Variants in CLOCK observed in about 807,000 individuals in gnomAD.
CLOCK encodes circadian locomoter output cycles protein kaput.
Under a neutral mutation model 118.4 loss-of-function variants are expected in CLOCK, and 43 were observed. The observed-to-expected ratio is 0.36, with a 90% CI of 0.28 to 0.47. The LOEUF (loss-of-function observed/expected upper bound fraction) is 0.47. Among genes scored for constraint, CLOCK ranks in the 20% least tolerant of loss-of-function variants. The probability of loss-of-function intolerance (pLI) is 1.00; values close to 1 mark genes in which losing one functional copy is unlikely to be tolerated. For synonymous variants in CLOCK, 326 were observed against 339.2 expected, an observed-to-expected ratio of 0.96 and a Z score of 0.43; for missense variants, 846 against 999.9, an observed-to-expected ratio of 0.85 and a Z score of 2.08.
In CLOCK at chr4:55,428,588, G is replaced by A. The variant is rs1722331449; in HGVS notation, c.*6827C>T. The A allele has an allele frequency of 6.6e-6, 1 of 152,000 alleles. No individual in the cohort carries two copies. Among genetic ancestry groups the A allele is most frequent in the South Asian group, 2.1e-4 (1 of 4,822 alleles). 9.4% of individuals were successfully genotyped at this position (152,000 alleles called of 1,614,324 possible). A position where few individuals can be genotyped will look rare whatever the true frequency, so the allele number is the denominator to read the frequency against. On this transcript the variant is annotated 3_prime_UTR_variant, in exon 23 of 23. Coordinates refer to ENST00000513440, the MANE Select transcript of CLOCK (RefSeq NM_004898.4). ...GGTATTCTTATCTCAAGATCAATTAGCCGTTTTTAGCTCCACCGTTTTGGA... is the reference window on the plus strand; with the variant it reads ...GGTATTCTTATCTCAAGATCAATTAACCGTTTTTAGCTCCACCGTTTTGGA...
intron 18 of CLOCK, 111 bp downstream of exon 18, chr4:55,448,668 G>T: frequency 4.1e-5 from 24 of 581,906 alleles, no homozygotes; most frequent in Middle Eastern, 3.3e-4. Context: ...CTCCCAAGTA[G>T]CTGTGGCTAC....
At chr4:55,523,758 A>C (rs970997926) in intron 1 of CLOCK, among the ~76,000 whole-genome samples, 2 of 152,150 alleles carry the variant, frequency 1.3e-5, no homozygotes, top group African/African-American at 2.4e-5. Flanking sequence ...CTCTAATTTC[A>C]TATCAGCTTA....
chr4:55,469,700 C>A (rs372704946), intron 8 of CLOCK, among the ~76,000 whole-genome samples: 1 of 152,058 alleles, frequency 6.6e-6, no homozygotes, highest in Non-Finnish European at 1.5e-5. Flanking sequence ...TATTTTTGTA[C>A]AGCTATATGA....
At chr4:55,531,544 A>C (rs568794051) in intron 1 of CLOCK, among the ~76,000 whole-genome samples, 2 of 151,978 alleles carry the variant, frequency 1.3e-5, no homozygotes, top group South Asian at 4.2e-4. Context: ...GTCTCTACGA[A>C]AACTACATCA....
intron 1 of CLOCK, among the ~76,000 whole-genome samples, chr4:55,513,359 A>G (rs1223720702): frequency 6.6e-6 from 1 of 152,148 alleles, no homozygotes; most frequent in Admixed American, 6.5e-5. Flanking sequence ...GTTTGTGTAA[A>G]TATACTCTAT....
intron 2 of CLOCK, among the ~76,000 whole-genome samples, chr4:55,503,190 C>T (rs958288271): frequency 7.2e-5 from 11 of 152,184 alleles, no homozygotes; most frequent in East Asian, 1.9e-4. Flanking sequence ...CCAAAAGACA[C>T]GCTCAAGAAT....
intron 3 of CLOCK, among the ~76,000 whole-genome samples, chr4:55,488,186 T>C (rs991952972): frequency 6.6e-6 from 1 of 152,186 alleles, no homozygotes; most frequent in Non-Finnish European, 1.5e-5. Context: ...ATACCTTCTT[T>C]TCTTGATTCC....
At chr4:55,545,655 C>T (rs1178834630) in intron 1 of CLOCK, 1 of 152,230 alleles carries the variant, frequency 6.6e-6, no homozygotes, top group Non-Finnish European at 1.5e-5. Flanking sequence ...AGGCTTTTAT[C>T]TTGCAGAATT....
rs1199287836 is a variant in CLOCK at position 55,458,937 on chromosome 4, A to C, written c.747T>G (p.Val249=). Reference sequence around the variant, plus strand: ...CTAACCTGACAGTAGCTACAAAACAAACTCTATCTTCATAAGATGGCCTAT... The same window carrying C: ...CTAACCTGACAGTAGCTACAAAACACACTCTATCTTCATAAGATGGCCTAT... ...RTHRPSYEDR[V]CFVATVRLAT... is the part of the protein sequence containing the mutation. Residue 249 remains valine (V), a synonymous_variant, in exon 11 of 23, where the codon GTT becomes GTG. Transcript: ENST00000513440. The C allele has an allele frequency of 6.2e-7, 1 of 1,613,934 alleles. No homozygotes were observed. The highest frequency in any genetic ancestry group is 8.5e-7 in the Non-Finnish European group (1 of 1,179,904).
chr4:55,539,192 G>A (rs1336336187), intron 1 of CLOCK, among the ~76,000 whole-genome samples: 6 of 151,856 alleles, frequency 4.0e-5, no homozygotes, highest in African/African-American at 1.5e-4. Flanking sequence ...CTCAGATCAC[G>A]CCACTGCACT....
At chr4:55,522,073 T>C (rs778420930) in intron 1 of CLOCK, among the ~76,000 whole-genome samples, 13 of 152,136 alleles carry the variant, frequency 8.5e-5, no homozygotes, top group Non-Finnish European at 1.5e-4. Context: ...GGTACCCAAA[T>C]AGGGCAAAAA....
intron 1 of CLOCK, among the ~76,000 whole-genome samples, chr4:55,544,570 C>T (rs1243089614): frequency 1.3e-5 from 2 of 152,188 alleles, no homozygotes; most frequent in East Asian, 3.9e-4. Context: ...AAAAGGTATC[C>T]CAAACTTCCT....
intron 3 of CLOCK, chr4:55,486,583 A>C (rs1192808706): frequency 6.6e-6 from 1 of 151,172 alleles, no homozygotes; most frequent in African/African-American, 2.5e-5. Context: ...AAATTTTTTA[A>C]GGCTTCGTAA....
intron 1 of CLOCK, among the ~76,000 whole-genome samples, chr4:55,537,763 C>T (rs553638145): frequency 1.6e-4 from 25 of 152,156 alleles, no homozygotes; most frequent in Non-Finnish European, 2.6e-4. Flanking sequence ...TACTGTACTG[C>T]CTGAGCAGTA....
intron 2 of CLOCK, among the ~76,000 whole-genome samples, chr4:55,491,301 G>A (rs1577787090): frequency 3.5e-5 from 3 of 84,682 alleles, no homozygotes; most frequent in African/African-American, 4.5e-5. Context: ...CAAAGAACTA[G>A]AAAAAGAAGA....
intron 1 of CLOCK, among the ~76,000 whole-genome samples, chr4:55,532,868 CG>C (rs936962383): frequency 6.6e-6 from 1 of 151,066 alleles, no homozygotes; most frequent in African/African-American, 2.4e-5. Context: ...GGGGTCGGGT[CG>C]GGGGGGTAGT....
At chr4:55,539,342 G>A (rs1378769532) in intron 1 of CLOCK, among the ~76,000 whole-genome samples, 1 of 152,112 alleles carries the variant, frequency 6.6e-6, no homozygotes, top group Non-Finnish European at 1.5e-5. Context: ...GGGAGGCCAA[G>A]GTGGGGGGAT....
rs769932839 is a variant in CLOCK at position 55,448,905 on chromosome 4, C to T, written c.1450-37G>A. 2.8e-6 allele frequency: 4 copies of T among 1,411,028 alleles called. No individual in the cohort carries two copies. The South Asian group carries it at 4.6e-5, about 16-fold the overall frequency. 87.4% of individuals were successfully genotyped at this position (1,411,028 alleles called of 1,614,324 possible). A position where few individuals can be genotyped will look rare whatever the true frequency, so the allele number is the denominator to read the frequency against. ...TAAAAAATAACACTGAAGTGATTCTCATTCCCATACATGAGTACTTCCAGC... is the reference window on the plus strand; with the variant it reads ...TAAAAAATAACACTGAAGTGATTCTTATTCCCATACATGAGTACTTCCAGC... On this transcript the variant is annotated intron_variant, in intron 17 of 22. Transcript: ENST00000513440.
At chr4:55,491,376 A>G (rs1487456201) in intron 2 of CLOCK, among the ~76,000 whole-genome samples, 2 of 51,108 alleles carry the variant, frequency 3.9e-5, no homozygotes, top group African/African-American at 1.4e-4. Flanking sequence ...AGTGAATAGG[A>G]AAAAAAAAAA....
Sources: gnomAD v4.1 joint callset for allele counts (sites outside exome capture counted in the v4.1 genomes callset) on GRCh38, gnomAD v4.1.1 for gene constraint, MANE v1.5 for transcripts, NCBI Gene and HGNC (gene_info 2026-07-23, HGNC 2026-07-21) for gene names.